The following XPR1 variants were observed in gnomAD, a reference collection of about 807,000 sequenced individuals.
The protein encoded by XPR1 is solute carrier family 53 member 1.
In XPR1, 28 loss-of-function variants were observed where a neutral mutation model predicts 87.5. That is an observed-to-expected ratio of 0.32 (90% confidence interval 0.24 to 0.44). The LOEUF (loss-of-function observed/expected upper bound fraction) is 0.44. Among genes scored for constraint, XPR1 ranks in the 20% least tolerant of loss-of-function variants. The pLI, the probability that XPR1 is intolerant of heterozygous loss-of-function variation, is 1.00. For synonymous variants in XPR1, 300 were observed against 306.1 expected, an observed-to-expected ratio of 0.98 and a Z score of 0.21; for missense variants, 559 against 862.3, an observed-to-expected ratio of 0.65 and a Z score of 4.41.
chr1:180,659,102 C>CCCTCCCTT (rs1453133129), intron 1 of XPR1, among the ~76,000 whole-genome samples: 28 of 108,188 alleles, frequency 2.6e-4, no homozygotes, highest in Non-Finnish European at 3.8e-4. Context: ...CTCCCTCCCT[C>CCCTCCCTT]CCTCCCTTCC....
At chr1:180,806,270 A>T (rs1002203795) in intron 5 of XPR1, 59 bp downstream of exon 5, 60 of 1,584,666 alleles carry the variant, frequency 3.8e-5, no homozygotes, top group Non-Finnish European at 4.8e-5. Context: ...TATTTAGGGA[A>T]GCAATTCCTT....
intron 2 of XPR1, among the ~76,000 whole-genome samples, chr1:180,701,676 C>A (rs1400182243): frequency 1.5e-4 from 21 of 136,096 alleles, no homozygotes; most frequent in Non-Finnish European, 3.1e-4. Flanking sequence ...GTCTAAAATT[C>A]TCTTTTTTGG....
chr1:180,678,178 CT>C (rs1316938309), intron 1 of XPR1, among the ~76,000 whole-genome samples: 1 of 152,192 alleles, frequency 6.6e-6, no homozygotes, highest in Non-Finnish European at 1.5e-5. Context: ...CTTGGAAGCT[CT>C]CTGAACCTTG....
intron 2 of XPR1, among the ~76,000 whole-genome samples, chr1:180,692,482 A>G (rs568415552): frequency 1.3e-5 from 2 of 152,236 alleles, no homozygotes; most frequent in African/African-American, 2.4e-5. Flanking sequence ...TTGATACTCA[A>G]AGTCATGTAA....
chr1:180,781,682 A>G (rs1648945900), intron 2 of XPR1, among the ~76,000 whole-genome samples: 1 of 147,306 alleles, frequency 6.8e-6, no homozygotes, highest in African/African-American at 2.5e-5. Context: ...TTTTATTATT[A>G]TTATACTTTA....
intron 11 of XPR1, among the ~76,000 whole-genome samples, chr1:180,846,278 T>G (rs993588972): frequency 1.6e-5 from 2 of 126,020 alleles, no homozygotes; most frequent in African/African-American, 5.9e-5. Context: ...AAAAAAAAAA[T>G]GTCAAGGGTA....
intron 7 of XPR1, among the ~76,000 whole-genome samples, chr1:180,815,183 TA>T (rs1250431982): frequency 2.6e-5 from 4 of 152,018 alleles, no homozygotes; most frequent in Non-Finnish European, 5.9e-5. Context: ...TTATCATCAT[TA>T]AAAAAAGACA....
intron 12 of XPR1, among the ~76,000 whole-genome samples, chr1:180,865,000 T>A (rs1447604491): frequency 1.3e-5 from 2 of 151,578 alleles, no homozygotes; most frequent in African/African-American, 4.9e-5. Context: ...CATTTTCTAC[T>A]CTATCAGCAT....
chr1:180,880,378 G>A (rs1652812767), intron 14 of XPR1, 81 bp downstream of exon 14: 1 of 1,511,934 alleles, frequency 6.6e-7, no homozygotes, highest in Non-Finnish European at 9.0e-7. Context: ...AAAGCTATCA[G>A]GTTGAACCAA....
chr1:180,883,942 A>G (rs546625735), intron 14 of XPR1, 64 bp from the exon 15 acceptor site: 1 of 1,428,344 alleles, frequency 7.0e-7, no homozygotes, highest in East Asian at 2.3e-5. Context: ...TGTGTCTAAT[A>G]CTGTGAAAGT....
At chr1:180,794,312 A>G (rs1649494588) in intron 3 of XPR1, among the ~76,000 whole-genome samples, 1 of 152,254 alleles carries the variant, frequency 6.6e-6, no homozygotes, top group African/African-American at 2.4e-5. Context: ...CAGTAAAAAT[A>G]AAGTATTATA....
At chr1:180,663,948 A>G (rs1033327053) in intron 1 of XPR1, among the ~76,000 whole-genome samples, 5 of 152,134 alleles carry the variant, frequency 3.3e-5, no homozygotes, top group African/African-American at 1.2e-4. Context: ...CTGCCAGGGT[A>G]CCACCAATGT....
intron 1 of XPR1, among the ~76,000 whole-genome samples, chr1:180,645,948 T>C (rs1434617935): frequency 1.3e-5 from 2 of 152,220 alleles, no homozygotes; most frequent in African/African-American, 4.8e-5. Flanking sequence ...TATTTAATGA[T>C]TCAAAAACTT....
intron 2 of XPR1, among the ~76,000 whole-genome samples, chr1:180,726,447 A>G (rs981558719): frequency 3.3e-5 from 5 of 152,216 alleles, no homozygotes; most frequent in Admixed American, 6.5e-5. Context: ...CTGCGGCTTC[A>G]TTCTTGGAGT....
intron 2 of XPR1, among the ~76,000 whole-genome samples, chr1:180,717,184 T>C (rs1260927141): frequency 6.6e-6 from 1 of 152,002 alleles, no homozygotes; most frequent in African/African-American, 2.4e-5. Flanking sequence ...GTAGAGAAGG[T>C]GTTTCACCAT....
chr1:180,806,407 C>T, intron 5 of XPR1, 67 bp from the exon 6 acceptor site: 1 of 1,549,304 alleles, frequency 6.5e-7, no homozygotes, highest in African/African-American at 1.4e-5. Context: ...ATAAATGGTA[C>T]AGAATTATTT....
chr1:180,768,912 A>T (rs1176451089), intron 2 of XPR1, among the ~76,000 whole-genome samples: 1 of 152,208 alleles, frequency 6.6e-6, no homozygotes, highest in Non-Finnish European at 1.5e-5. Flanking sequence ...TTATTGAAGG[A>T]TGTTATGGTG....
chr1:180,842,879 T>G (rs1459525597), intron 11 of XPR1, among the ~76,000 whole-genome samples: 1 of 152,276 alleles, frequency 6.6e-6, no homozygotes, highest in Non-Finnish European at 1.5e-5. Flanking sequence ...TACTTTAGAC[T>G]TTTTGTTAGT....
intron 2 of XPR1, among the ~76,000 whole-genome samples, chr1:180,739,978 C>G (rs1658863982): frequency 6.6e-6 from 1 of 152,112 alleles, no homozygotes; most frequent in Admixed American, 6.6e-5. Flanking sequence ...TTCCAAAGTG[C>G]TGGGATTACA....
Sources: allele counts gnomAD v4.1 joint callset (sites outside exome capture counted in the v4.1 genomes callset), GRCh38; gene constraint gnomAD v4.1.1; transcripts MANE v1.5; gene names NCBI Gene and HGNC (gene_info 2026-07-23, HGNC 2026-07-21).